Variants in NAALADL2 observed in about 807,000 individuals in gnomAD.
NAALADL2 encodes inactive N-acetylated-alpha-linked acidic dipeptidase-like protein 2.
In NAALADL2, 76 loss-of-function variants were observed where a neutral mutation model predicts 87.2. The observed-to-expected ratio is 0.87, with a 90% CI of 0.72 to 1.05. The LOEUF (loss-of-function observed/expected upper bound fraction) is 1.05. Ranked by LOEUF, NAALADL2 falls within the 50% of genes least tolerant of loss-of-function variation. The pLI is 0.00. For missense variants in NAALADL2, 1,089 were observed against 945.8 expected, an observed-to-expected ratio of 1.15 and a Z score of -1.99; for synonymous variants, 354 against 331.0, an observed-to-expected ratio of 1.07 and a Z score of -0.75.
chr3:175,516,542 C>T (rs1731861257), intron 9 of NAALADL2, among the ~76,000 whole-genome samples: 1 of 152,134 alleles, frequency 6.6e-6, no homozygotes, highest in African/African-American at 2.4e-5. Flanking sequence ...AGATTTTAGC[C>T]ATGAACCTGA....
intron 10 of NAALADL2, among the ~76,000 whole-genome samples, chr3:175,582,134 T>C (rs955153691): frequency 6.6e-6 from 1 of 152,018 alleles, no homozygotes; most frequent in Admixed American, 6.6e-5. Context: ...GAAATGCCTG[T>C]CATAAAGGAA....
intron 13 of NAALADL2, among the ~76,000 whole-genome samples, chr3:175,765,348 C>A (rs886369550): frequency 6.6e-6 from 1 of 152,006 alleles, no homozygotes; most frequent in Non-Finnish European, 1.5e-5. Context: ...CTAAAAGGAG[C>A]AGAAAAGCCC....
chr3:174,724,113 G>C (rs2108960739), intron 2 of NAALADL2, among the ~76,000 whole-genome samples: 1 of 152,178 alleles, frequency 6.6e-6, no homozygotes, highest in South Asian at 2.1e-4. Flanking sequence ...TGACACTAAT[G>C]CTAATTCTGA....
chr3:175,757,578 T>C (rs563279655), intron 13 of NAALADL2, among the ~76,000 whole-genome samples: 6 of 152,266 alleles, frequency 3.9e-5, no homozygotes, highest in African/African-American at 1.4e-4. Flanking sequence ...ATACTTTACG[T>C]AATTTTCCAA....
intron 2 of NAALADL2, among the ~76,000 whole-genome samples, chr3:174,637,580 CT>C (rs138916833): frequency 0.011 from 1,744 of 152,080 alleles, 31 homozygotes; most frequent in African/African-American, 0.04. Context: ...ATAATGTTCA[CT>C]GAAGAATATT....
chr3:174,580,218 T>C (rs1169819842), intron 2 of NAALADL2, among the ~76,000 whole-genome samples: 1 of 152,100 alleles, frequency 6.6e-6, no homozygotes. Flanking sequence ...TGTTGAGTAG[T>C]CATGGTAACA....
chr3:175,051,100 G>T (rs1377179792), intron 1 of NAALADL2, among the ~76,000 whole-genome samples: 1 of 152,132 alleles, frequency 6.6e-6, no homozygotes, highest in East Asian at 1.9e-4. Context: ...ATAAGAAATG[G>T]CATAAAAAAT....
At position 175,275,731 on chromosome 3, in the gene NAALADL2, T is replaced by A. The variant is rs186078269; in HGVS notation, c.939+19201T>A. ...TTTAACCAATATAAAATGTTGACAT[T>A]TTCTAACCCTAAAATGCAAAGAACA... On this transcript the variant is annotated intron_variant, in intron 4 of 13. Coordinates refer to ENST00000454872, the MANE Select transcript of NAALADL2 (RefSeq NM_207015.3). 1.9e-3 allele frequency among the ~76,000 whole-genome samples: 293 copies of A among 152,114 alleles called. 1 individual carries two copies. Among genetic ancestry groups the A allele is most frequent in the African/African-American group, 6.9e-3 (286 of 41,498 alleles).
chr3:174,735,432 A>G (rs1392715315), intron 2 of NAALADL2, among the ~76,000 whole-genome samples: 1 of 152,248 alleles, frequency 6.6e-6, no homozygotes, highest in Non-Finnish European at 1.5e-5. Context: ...CCATACAGGT[A>G]TGAAGAGAGA....
intron 11 of NAALADL2, among the ~76,000 whole-genome samples, chr3:175,717,646 G>A (rs1330015712): frequency 3.3e-5 from 5 of 149,530 alleles, no homozygotes; most frequent in East Asian, 3.9e-4. Flanking sequence ...ACCCAAGATC[G>A]TACCACTACA....
chr3:174,607,173 A>G (rs1008919734), intron 2 of NAALADL2, among the ~76,000 whole-genome samples: 3 of 152,146 alleles, frequency 2.0e-5, no homozygotes, highest in African/African-American at 7.2e-5. Context: ...TAAGTACTAA[A>G]CATGGAAAGG....
At chr3:174,485,099 G>A (rs1328831835) in intron 1 of NAALADL2, among the ~76,000 whole-genome samples, 4 of 151,956 alleles carry the variant, frequency 2.6e-5, no homozygotes, top group African/African-American at 9.7e-5. Context: ...CATAGCCACA[G>A]GTTCTGCATC....
intron 2 of NAALADL2, among the ~76,000 whole-genome samples, chr3:174,650,699 G>A (rs1449625731): frequency 6.6e-6 from 1 of 152,064 alleles, no homozygotes; most frequent in Non-Finnish European, 1.5e-5. Context: ...GTTATTTTTA[G>A]AGGAAATTAA....
chr3:175,395,560 A>G (rs1769670463), intron 5 of NAALADL2, among the ~76,000 whole-genome samples: 1 of 152,176 alleles, frequency 6.6e-6, no homozygotes, highest in East Asian at 1.9e-4. Flanking sequence ...AGATCCCAAC[A>G]ACAGCCCTGA....
intron 1 of NAALADL2, among the ~76,000 whole-genome samples, chr3:174,512,091 C>A (rs918403078): frequency 1.3e-5 from 2 of 152,110 alleles, no homozygotes; most frequent in African/African-American, 4.8e-5. Context: ...TGTATACATG[C>A]AAATTTCTAT....
At chr3:175,781,681 T>TA (rs373126687) in intron 13 of NAALADL2, among the ~76,000 whole-genome samples, 25 of 150,646 alleles carry the variant, frequency 1.7e-4, no homozygotes, top group South Asian at 1.3e-3. Context: ...GTTTAAAAGG[T>TA]AAAAAAAAAT....
chr3:175,419,892 A>G (rs954757785), intron 5 of NAALADL2, among the ~76,000 whole-genome samples: 2 of 152,014 alleles, frequency 1.3e-5, no homozygotes, highest in African/African-American at 4.8e-5. Context: ...AAAAATCAAT[A>G]AAACAAGCAG....
chr3:175,398,933 T>G (rs1194194194), intron 5 of NAALADL2, among the ~76,000 whole-genome samples: 1 of 151,682 alleles, frequency 6.6e-6, no homozygotes, highest in East Asian at 1.9e-4. Flanking sequence ...AACAAGTTTA[T>G]TAAGAAAGTA....
chr3:175,028,441 A>G (rs1752452671), intron 1 of NAALADL2, among the ~76,000 whole-genome samples: 1 of 152,074 alleles, frequency 6.6e-6, no homozygotes, highest in South Asian at 2.1e-4. Flanking sequence ...TCCTTAGCAG[A>G]ATTGGATTTA....
Sources: allele counts gnomAD v4.1 joint callset (sites outside exome capture counted in the v4.1 genomes callset), GRCh38; gene constraint gnomAD v4.1.1; transcripts MANE v1.5; gene names NCBI Gene and HGNC (gene_info 2026-07-23, HGNC 2026-07-21).